The following P2RX2 variants were observed in gnomAD, a reference collection of about 807,000 sequenced individuals.
P2RX2 encodes the protein P2X purinoceptor 2.
In P2RX2, 50 loss-of-function variants were observed where a neutral mutation model predicts 54.8. That is an observed-to-expected ratio of 0.91 (90% CI 0.73 to 1.15). The LOEUF (loss-of-function observed/expected upper bound fraction) is 1.15, where lower values mean the gene tolerates loss of function less well. Among genes scored for constraint, P2RX2 ranks in the 50% most tolerant of loss-of-function variants. The pLI, the probability that P2RX2 is intolerant of heterozygous loss-of-function variation, is 0.00. For missense variants in P2RX2, 658 were observed against 633.2 expected (o/e 1.04, Z -0.42); for synonymous variants, 289 against 259.4 (o/e 1.11, Z -1.09).
chr12:132,622,157 T>C lies in P2RX2; in HGVS notation c.*185T>C, dbSNP rs2041728491. 4.9e-6 allele frequency: 7 copies of C among 1,441,388 alleles called. No individual in the cohort carries two copies. The highest frequency in any genetic ancestry group is 4.4e-5 in the South Asian group (3 of 68,398). The allele number at this position is 1,441,388 out of a possible 1,614,324, so 89.3% of individuals were successfully genotyped here. A position where few individuals can be genotyped will look rare whatever the true frequency, so the allele number is the denominator to read the frequency against. On this transcript the variant is annotated 3_prime_UTR_variant, in exon 11 of 11. Coordinates refer to ENST00000643471, the MANE Select transcript of P2RX2 (RefSeq NM_170682.4). ...CCCAGGCTTGTGCCCCACCCTGGCA[T>C]ACAGCCCCTGACACCTCCTCCCCAG...
chr12:132,618,830 A>C lies in P2RX2; in HGVS notation c.14A>C (p.Gln5Pro). MAAA[Q>P]PKYPAGATAR... ...GCCGCCCGCGCCATGGCCGCCGCCC[A>C]GCCCAAGTACCCCGCCGGGGCGACC... Residue 5 changes from glutamine (Q) to proline (P), a missense_variant, in exon 1 of 11, where the codon CAG becomes CCG. Transcript: ENST00000643471. 1 of 1,302,562 alleles carries C rather than the reference A, an allele frequency of 7.7e-7. No homozygotes were observed. The allele number at this position is 1,302,562 out of a possible 1,614,324, so 80.7% of individuals were successfully genotyped here. A position where few individuals can be genotyped will look rare whatever the true frequency, so the allele number is the denominator to read the frequency against.
rs556494905 is a variant in P2RX2 at position 132,621,745 on chromosome 12, C to G, written c.1189C>G (p.Arg397Gly). The change falls in exon 11 of 11, where the codon CGT becomes GGT. Residue 397 changes from arginine to glycine, a missense_variant. Transcript: ENST00000643471. The part of the protein sequence containing the change: ...PSGSWPVTLA[R>G]VLGQAPPEPG... ...AGGTAGCTGGCCTGTGACCCTTGCC[C>G]GTGTATTGGGCCAGGCCCCTCCCGA... is the stretch of plus-strand genomic sequence containing the variant. The G allele has an allele frequency of 5.0e-6, 8 of 1,608,336 alleles. No homozygotes were observed. The highest frequency in any genetic ancestry group is 6.8e-6 in the Non-Finnish European group (8 of 1,176,852).
At chr12:132,620,420 G>C (rs1291191799) in intron 6 of P2RX2, 25 bp from the exon 7 acceptor site, 6 of 1,613,968 alleles carry the variant, frequency 3.7e-6, no homozygotes, top group Non-Finnish European at 5.1e-6. Context: ...TGGGGTGCAG[G>C]TCTCGCCTCC....
Position 132,620,574 on chromosome 12 carries a change from C to A in P2RX2, c.765C>A (p.Leu255=). ...AGGCTGGGGAGAGCTTCACAGAGCTCGCACACAAGGCAGGGCAAGCGCAGG... is the reference window on the plus strand; with the variant it reads ...AGGCTGGGGAGAGCTTCACAGAGCTAGCACACAAGGCAGGGCAAGCGCAGG... ...VEKAGESFTE[L]AHKGGVIGVI... is the part of the protein sequence containing the mutation. Residue 255 remains leucine (L), a synonymous_variant, in exon 7 of 11, where the codon CTC becomes CTA. Transcript: ENST00000643471. 2 of 1,613,026 alleles carry A rather than the reference C, an allele frequency of 1.2e-6. No individual in the cohort carries two copies. The highest frequency in any genetic ancestry group is 1.7e-6 in the Non-Finnish European group (2 of 1,179,992).
intron 1 of P2RX2, 81 bp downstream of exon 1, chr12:132,619,070 CGGGGCTGGGGCT>C (rs1208013882): frequency 2.0e-5 from 6 of 295,648 alleles, no homozygotes; most frequent in Non-Finnish European, 2.5e-5. Context: ...GCTGGAGGCG[CGGGGCTGGGGCT>C]GGGGCTGGGA....
Position 132,620,665 on chromosome 12 carries a change from T to C in P2RX2, c.774+82T>C. On this transcript the variant is annotated intron_variant, in intron 7 of 10. Transcript: ENST00000643471. ...GCCTGGGGTACAGGGGACCAGTCCC[T>C]CCTCCCTCCTGACCAGCTGGCCCCG... 8.3e-6 allele frequency: 12 copies of C among 1,451,560 alleles called. No homozygotes were observed. In the South Asian group the frequency reaches 1.3e-4, roughly 16 times the overall value. The allele number at this position is 1,451,560 out of a possible 1,614,324, so 89.9% of individuals were successfully genotyped here. A position where few individuals can be genotyped will look rare whatever the true frequency, so the allele number is the denominator to read the frequency against.
intron 5 of P2RX2, 54 bp downstream of exon 5, chr12:132,620,150 G>C: frequency 1.3e-6 from 2 of 1,516,948 alleles, no homozygotes; most frequent in Non-Finnish European, 1.8e-6. Context: ...CTTTTCCCCT[G>C]ACCAGAGGCC....
At chr12:132,620,867 TG>T in intron 7 of P2RX2, 133 bp from the exon 8 acceptor site, 4 of 1,000,516 alleles carry the variant, frequency 4.0e-6, no homozygotes, top group South Asian at 4.7e-5. Flanking sequence ...ACATGCAGCC[TG>T]GGACTGACCC....
At position 132,618,828 on chromosome 12, in the gene P2RX2, C is replaced by A; in HGVS notation, c.12C>A (p.Ala4=). 1 of 1,302,148 alleles carries A rather than the reference C, an allele frequency of 7.7e-7. No homozygotes were observed. Among genetic ancestry groups the A allele is most frequent in the Non-Finnish European group, 9.8e-7 (1 of 1,020,084 alleles). The allele number at this position is 1,302,148 out of a possible 1,614,324, so 80.7% of individuals were successfully genotyped here. A position where few individuals can be genotyped will look rare whatever the true frequency, so the allele number is the denominator to read the frequency against. Residue 4 remains alanine, a synonymous_variant, in exon 1 of 11, where the codon GCC becomes GCA. Transcript: ENST00000643471. MAA[A]QPKYPAGATA... Reference sequence around the variant, plus strand: ...GGGCCGCCCGCGCCATGGCCGCCGCCCAGCCCAAGTACCCCGCCGGGGCGA... The same window carrying A: ...GGGCCGCCCGCGCCATGGCCGCCGCACAGCCCAAGTACCCCGCCGGGGCGA...
At chr12:132,621,160 A>G (rs759085894) in intron 8 of P2RX2, 29 bp downstream of exon 8, 16 of 1,613,900 alleles carry the variant, frequency 9.9e-6, no homozygotes, top group African/African-American at 2.7e-5. Flanking sequence ...CGCTGTCCAC[A>G]CTGGCATAGC....
At position 132,620,897 on chromosome 12, in the gene P2RX2, TCGTGTGCCCTTGTG is replaced by T; in HGVS notation, c.775-103_775-90del. The T allele has an allele frequency of 1.0e-4, 28 of 269,324 alleles. 3 individuals carry two copies. In the East Asian group the frequency reaches 1.5e-3, roughly 14 times the overall value. 16.7% of individuals were successfully genotyped at this position (269,324 alleles called of 1,614,324 possible). On this transcript the variant is annotated intron_variant, in intron 7 of 10. Transcript: ENST00000643471. ...CTGACCCGGGCTCTCGAGGGGCCTC[TCGTGTGCCCTTGTG>T]ACCCCCTTCCCTGGCCTGGGACTGA...
Position 132,621,122 on chromosome 12 carries a change from A to G in P2RX2, c.896A>G (p.Tyr299Cys). Residue 299 changes from tyrosine to cysteine, a missense_variant, in exon 8 of 11, where the codon TAC becomes TGC. By Grantham distance (194) the Tyr-to-Cys change is radical. Transcript: ENST00000643471. ...DPKHVPASSG[Y>C]NFRFAKYYKI... Reference sequence around the variant, plus strand: ...AAGCACGTGCCTGCCTCGTCAGGCTACAACTTCAGGTGCTGTACTTGGGAC... The same window carrying G: ...AAGCACGTGCCTGCCTCGTCAGGCTGCAACTTCAGGTGCTGTACTTGGGAC... 1.2e-6 allele frequency: 2 copies of G among 1,614,100 alleles called. No individual in the cohort carries two copies. The highest frequency in any genetic ancestry group is 1.1e-5 in the South Asian group (1 of 91,080).
chr12:132,621,691 G>A lies in P2RX2; in HGVS notation c.1135G>A (p.Asp379Asn), dbSNP rs114151103. Residue 379 changes from aspartate to asparagine, a missense_variant, in exon 11 of 11, where the codon GAC becomes AAC. Asp to Asn is a conservative substitution (Grantham distance 23, BLOSUM62 1). Transcript: ENST00000643471. Reference protein sequence around the residue: ...KNKVYSHKKFDKVCTPSHPSG... With the variant: ...KNKVYSHKKFNKVCTPSHPSG... The stretch of plus-strand genomic sequence containing the variant: ...CAAGGTCTACAGCCATAAGAAATTT[G>A]ACAAGGTGTGTACGCCGAGCCACCC... 2 of 1,613,776 alleles carry A rather than the reference G, an allele frequency of 1.2e-6. No homozygotes were observed. Among genetic ancestry groups the A allele is most frequent in the Non-Finnish European group, 1.7e-6 (2 of 1,179,886 alleles).
At chr12:132,620,713 C>G (rs1406405869) in intron 7 of P2RX2, 130 bp downstream of exon 7, 12 of 1,119,688 alleles carry the variant, frequency 1.1e-5, no homozygotes, top group Admixed American at 4.6e-5. Flanking sequence ...AAAAGAAATG[C>G]GATCAGCGCA....
chr12:132,619,911 T>C lies in P2RX2; in HGVS notation c.449T>C (p.Leu150Pro), dbSNP rs1261873488. Residue 150 changes from leucine to proline, a missense_variant, in exon 4 of 11, where the codon CTG becomes CCG. Coordinates refer to ENST00000643471, the MANE Select transcript of P2RX2 (RefSeq NM_170682.4). ...ADCVAGELDMLGNGLRTGRCV... is the reference protein window; with the variant it reads ...ADCVAGELDMPGNGLRTGRCV... ...TGCGTGGCTGGGGAGCTGGACATGCTGGGAAACGGTCGGTGTGCGCCAGCT... is the reference window on the plus strand; with the variant it reads ...TGCGTGGCTGGGGAGCTGGACATGCCGGGAAACGGTCGGTGTGCGCCAGCT... 5.6e-6 allele frequency: 8 copies of C among 1,416,846 alleles called. No homozygotes were observed. The highest frequency in any genetic ancestry group is 7.6e-6 in the Non-Finnish European group (8 of 1,046,200). 87.8% of individuals were successfully genotyped at this position (1,416,846 alleles called of 1,614,324 possible). A position where few individuals can be genotyped will look rare whatever the true frequency, so the allele number is the denominator to read the frequency against.
In P2RX2 at chr12:132,618,936, C is replaced by T; in HGVS notation, c.120C>T (p.Arg40=). The change falls in exon 1 of 11, where the codon CGC becomes CGT. Residue 40 remains arginine (R), a synonymous_variant. Transcript: ENST00000643471. ...TPKVIVVRNR[R]LGVLYRAVQL... ...AGGTGATCGTGGTGAGGAACCGGCG[C>T]CTGGGGGTCCTGTACCGCGCCGTGC... The T allele has an allele frequency of 7.5e-7, 1 of 1,327,186 alleles. No individual in the cohort carries two copies. Among genetic ancestry groups the T allele is most frequent in the Non-Finnish European group, 9.7e-7 (1 of 1,030,760 alleles). 82.2% of individuals were successfully genotyped at this position (1,327,186 alleles called of 1,614,324 possible).
At position 132,619,733 on chromosome 12, in the gene P2RX2, C is replaced by T. The variant is rs773553832; in HGVS notation, c.364C>T (p.Gln122Ter). 9 of 1,608,506 alleles carry T rather than the reference C, an allele frequency of 5.6e-6. No individual in the cohort carries two copies. The highest frequency in any genetic ancestry group is 6.8e-6 in the Non-Finnish European group (8 of 1,177,596). The change falls in exon 3 of 11, where the codon CAG (glutamine) becomes TAG (stop). Residue 122 changes from glutamine (Q) to a stop codon, truncating the protein, a stop_gained. Transcript: ENST00000643471. LOFTEE classifies it high-confidence loss of function. ...GGTCGAGGCCACCCACTCCCAGACC[C>T]AGGGAACCTGCCCCGAGGTGAGGGG... Reference protein sequence around the residue: ...TRVEATHSQTQGTCPESIRVH... With the variant: ...TRVEATHSQT
Position 132,622,007 on chromosome 12 carries a change from C to G in P2RX2, c.*35C>G. ...CATCTCACTGGACTGCAGACCCGGCCTGGTGGGGCCAGAGAGTCCCCAGCT... is the reference window on the plus strand; with the variant it reads ...CATCTCACTGGACTGCAGACCCGGCGTGGTGGGGCCAGAGAGTCCCCAGCT... On this transcript the variant is annotated 3_prime_UTR_variant, in exon 11 of 11. Transcript: ENST00000643471. 1 of 1,612,046 alleles carries G rather than the reference C, an allele frequency of 6.2e-7. No homozygotes were observed. The highest frequency in any genetic ancestry group is 1.1e-5 in the South Asian group (1 of 90,942).
Position 132,619,897 on chromosome 12 carries a change from G to A in P2RX2, c.435G>A (p.Gly145=), listed in dbSNP as rs766319928. ...TCLSDADCVA[G]ELDMLGNGLR... ...TCTCCGACGCCGACTGCGTGGCTGG[G>A]GAGCTGGACATGCTGGGAAACGGTC... is the stretch of plus-strand genomic sequence containing the variant. The change falls in exon 4 of 11, where the codon GGG becomes GGA. Residue 145 remains glycine (G), a synonymous_variant. Transcript: ENST00000643471. 6.3e-5 allele frequency: 101 copies of A among 1,611,350 alleles called. No individual in the cohort carries two copies. Among genetic ancestry groups the A allele is most frequent in the Non-Finnish European group, 1.0e-5 (12 of 1,179,678 alleles).
Sources: allele counts gnomAD v4.1 joint callset, GRCh38; gene constraint gnomAD v4.1.1; transcripts MANE v1.5; gene names NCBI Gene and HGNC (gene_info 2026-07-23, HGNC 2026-07-21).